PTPRN2: variants seen among roughly 807,000 people sequenced by gnomAD.
The protein encoded by PTPRN2 is receptor-type tyrosine-protein phosphatase N2.
A neutral mutation model predicts 118.8 loss-of-function variants in PTPRN2; 74 were observed. The observed-to-expected ratio is 0.62, with a 90% CI of 0.52 to 0.76. The LOEUF (loss-of-function observed/expected upper bound fraction) is 0.76, where lower values mean the gene tolerates loss of function less well. PTPRN2 is among the 30% of genes least tolerant of loss of function. The pLI is 0.00. For missense variants in PTPRN2, 1,481 were observed against 1,394.4 expected, an observed-to-expected ratio of 1.06 and a Z score of -0.99; for synonymous variants, 641 against 608.0, an observed-to-expected ratio of 1.05 and a Z score of -0.80.
At position 158,132,821 on chromosome 7, in the gene PTPRN2, C is replaced by T. The variant is rs146668728; in HGVS notation, c.1556+856G>A. 1.4e-3 allele frequency among the ~76,000 whole-genome samples: 198 copies of T among 146,588 alleles called. 1 individual carries two copies. Among genetic ancestry groups the T allele is most frequent in the African/African-American group, 4.7e-3 (174 of 36,840 alleles). ...CATGCGTATGCAGATACACACACAT[C>T]TACCCAACATACACACTCATACACA... On this transcript the variant is annotated intron_variant, in intron 9 of 22. Coordinates refer to ENST00000389418, the MANE Select transcript of PTPRN2 (RefSeq NM_002847.5).
At chr7:157,748,509 CTT>C (rs1563067939) in intron 12 of PTPRN2, among the ~76,000 whole-genome samples, 7 of 147,592 alleles carry the variant, frequency 4.7e-5, no homozygotes, top group Non-Finnish European at 6.0e-5. Flanking sequence ...CTGGGTGATT[CTT>C]AGGTCTGCGT....
intron 1 of PTPRN2, among the ~76,000 whole-genome samples, chr7:158,507,062 T>G (rs1586826031): frequency 6.6e-6 from 1 of 152,116 alleles, no homozygotes; most frequent in East Asian, 1.9e-4. Flanking sequence ...GGCTCTGAGC[T>G]AGGTTTGAAG....
At chr7:158,567,816 T>C (rs964693152) in intron 1 of PTPRN2, among the ~76,000 whole-genome samples, 4 of 152,160 alleles carry the variant, frequency 2.6e-5, no homozygotes, top group East Asian at 1.9e-4. Context: ...AACCCCCATC[T>C]CACCTCATCC....
At chr7:157,621,608 C>T (rs1563273863) in intron 14 of PTPRN2, 99 bp from the exon 15 acceptor site, 15 of 1,462,798 alleles carry the variant, frequency 1.0e-5, no homozygotes, top group Non-Finnish European at 1.4e-5. Context: ...GCCGCGTGGG[C>T]CATGCCCACC....
intron 11 of PTPRN2, among the ~76,000 whole-genome samples, chr7:158,057,316 T>C (rs986189634): frequency 3.9e-5 from 6 of 152,138 alleles, no homozygotes; most frequent in African/African-American, 1.4e-4. Context: ...CCTGACAGCC[T>C]CCCATGACTG....
Position 158,133,861 on chromosome 7 carries a change from C to T in PTPRN2, c.1372G>A (p.Gly458Arg). The T allele has an allele frequency of 1.2e-6, 2 of 1,613,912 alleles. No homozygotes were observed. The highest frequency in any genetic ancestry group is 1.7e-6 in the Non-Finnish European group (2 of 1,180,032). The change falls in exon 9 of 23, where the codon GGG becomes AGG. Residue 458 changes from glycine to arginine, a missense_variant. This residue lies in a region of PTPRN2 where 1,115 missense variants were observed against 994.2 expected (regional missense o/e 1.12). Transcript: ENST00000389418. The stretch of plus-strand genomic sequence containing the variant: ...CCGGGCTCCGAATGCGGCTGCTGCC[C>T]CAGCAGATCTTTGGAATACGTCTGG... ...KSQTYSKDLL[G>R]QQPHSEPGAA...
intron 14 of PTPRN2, among the ~76,000 whole-genome samples, chr7:157,646,608 C>T (rs1382319254): frequency 6.6e-6 from 1 of 152,184 alleles, no homozygotes; most frequent in African/African-American, 2.4e-5. Flanking sequence ...GTCCTCCCAC[C>T]CAGGGGAGGC....
chr7:158,294,457 G>T (rs797006335), intron 3 of PTPRN2, among the ~76,000 whole-genome samples: 1 of 152,162 alleles, frequency 6.6e-6, no homozygotes, highest in Non-Finnish European at 1.5e-5. Context: ...TTACTCTGGC[G>T]TCAACTATTC....
At chr7:158,518,266 G>C (rs894563938) in intron 1 of PTPRN2, among the ~76,000 whole-genome samples, 1 of 152,012 alleles carries the variant, frequency 6.6e-6, no homozygotes. Flanking sequence ...GGATTTCACA[G>C]GGTGGGAGAA....
At chr7:158,146,636 G>C (rs145451561) in intron 6 of PTPRN2, among the ~76,000 whole-genome samples, 9,453 of 149,090 alleles carry the variant, frequency 0.063, 449 homozygotes, top group South Asian at 0.11. Flanking sequence ...CAGAAGAATG[G>C]TGTGAACCCA....
Position 157,622,053 on chromosome 7 carries a change from T to C in PTPRN2, c.2197-544A>G, listed in dbSNP as rs1426331899. 5.3e-5 allele frequency among the ~76,000 whole-genome samples: 8 copies of C among 152,036 alleles called. 1 individual carries two copies. The highest frequency in any genetic ancestry group is 3.9e-4 in the Admixed American group (6 of 15,274). Reference sequence around the variant, plus strand: ...ATCTTAATTTTTCTGGTGCTTGTCGTTGAGCATTACTATGAGTAGACAAGG... The same window carrying C: ...ATCTTAATTTTTCTGGTGCTTGTCGCTGAGCATTACTATGAGTAGACAAGG... On this transcript the variant is annotated intron_variant, in intron 14 of 22. Transcript: ENST00000389418. This position sits in a 1 kb window ranked among gnomAD's most constrained non-coding sequence, Gnocchi z 5.3.
chr7:158,085,774 C>T (rs1387166702), intron 10 of PTPRN2, among the ~76,000 whole-genome samples: 1 of 147,328 alleles, frequency 6.8e-6, no homozygotes, highest in Non-Finnish European at 1.5e-5. Flanking sequence ...ACCCATGACG[C>T]CCATCCACAC....
At chr7:157,725,426 TCGCCTCCCA>T in intron 12 of PTPRN2, among the ~76,000 whole-genome samples, 2 of 86,586 alleles carry the variant, frequency 2.3e-5, no homozygotes, top group African/African-American at 1.0e-4. Context: ...AGCCAGACCC[TCGCCTCCCA>T]GGAGAACTGG....
chr7:157,875,111 G>A (rs1423156348), intron 12 of PTPRN2, among the ~76,000 whole-genome samples: 1 of 152,122 alleles, frequency 6.6e-6, no homozygotes, highest in Non-Finnish European at 1.5e-5. Flanking sequence ...GTAGACTTGT[G>A]GTCTGACAGC....
intron 11 of PTPRN2, among the ~76,000 whole-genome samples, chr7:158,018,966 C>CAAAA (rs753498681): frequency 8.8e-4 from 58 of 65,848 alleles, no homozygotes; most frequent in Middle Eastern, 0.013. Flanking sequence ...GTTTCAAAAA[C>CAAAA]AAAAAAAAAA....
chr7:157,957,127 A>G (rs4365972), intron 11 of PTPRN2, among the ~76,000 whole-genome samples: 125,848 of 152,140 alleles, frequency 0.83, 52,639 homozygotes, highest in East Asian at 0.9. Context: ...TAAACAGCTC[A>G]AGCACTTGCA....
At position 157,671,290 on chromosome 7, in the gene PTPRN2, G is replaced by T. The variant is rs2952651; in HGVS notation, c.2001+11435C>A. Among the ~76,000 whole-genome samples, 1 of 152,110 alleles carries T rather than the reference G, an allele frequency of 6.6e-6. No homozygotes were observed. The highest frequency in any genetic ancestry group is 1.5e-5 in the Non-Finnish European group (1 of 68,016). The stretch of plus-strand genomic sequence containing the variant: ...TGGTCTGGTGTGGGCAACAAGGCCC[G>T]CTCTGCACCCAGGCCTGCCTCCATC... On this transcript the variant is annotated intron_variant, in intron 13 of 22. Coordinates refer to ENST00000389418, the MANE Select transcript of PTPRN2 (RefSeq NM_002847.5). The surrounding 1 kb of genome is among the most constrained non-coding windows in gnomAD (Gnocchi z 4.1).
Position 158,131,381 on chromosome 7 carries a change from CTCAT to C in PTPRN2, c.1556+2292_1556+2295del, listed in dbSNP as rs1166990614. 5.1e-3 allele frequency among the ~76,000 whole-genome samples: 113 copies of C among 22,296 alleles called. 2 individuals carry two copies. Among genetic ancestry groups the C allele is most frequent in the South Asian group, 0.034 (19 of 554 alleles). 14.6% of individuals were successfully genotyped at this position (22,296 alleles called of 152,430 possible). A position where few individuals can be genotyped will look rare whatever the true frequency, so the allele number is the denominator to read the frequency against. On this transcript the variant is annotated intron_variant, in intron 9 of 22. Transcript: ENST00000389418. ...AATACACATCTACCCGACACACACACTCATACACACACGTATATACAAACCAATA... is the reference window on the plus strand; with the variant it reads ...AATACACATCTACCCGACACACACACACACACACGTATATACAAACCAATA...
chr7:158,375,557 A>G lies in PTPRN2; in HGVS notation c.164-58625T>C, dbSNP rs897929440. Among the ~76,000 whole-genome samples the G allele has an allele frequency of 2.0e-5, 3 of 152,232 alleles. No individual in the cohort carries two copies. The East Asian group carries it at 5.8e-4, about 29-fold the overall frequency. On this transcript the variant is annotated intron_variant, in intron 2 of 22. Transcript: ENST00000389418. ...GGCAGGTGGCAGAAAAATTCTGGGT[A>G]GAAGAGGGTAGTTCCCCGGCAAAGG...
Sources: allele counts gnomAD v4.1 joint callset (sites outside exome capture counted in the v4.1 genomes callset), GRCh38; gene constraint gnomAD v4.1.1; regional missense constraint gnomAD v4.1.1; non-coding constraint Gnocchi (gnomAD v3.1); transcripts MANE v1.5; gene names NCBI Gene and HGNC (gene_info 2026-07-23, HGNC 2026-07-21).